The following DNER variants were observed in gnomAD, a reference collection of about 807,000 sequenced individuals.
DNER encodes delta and Notch-like epidermal growth factor-related receptor.
In DNER, 33 loss-of-function variants were observed where a neutral mutation model predicts 78.2. The ratio of observed to expected loss-of-function variants is 0.42; its 90% CI spans 0.32 to 0.56. The LOEUF (loss-of-function observed/expected upper bound fraction) is 0.56. DNER is among the 20% of genes least tolerant of loss of function. The probability of loss-of-function intolerance (pLI) is 0.11; values close to 1 mark genes in which losing one functional copy is unlikely to be tolerated. For synonymous variants in DNER, 417 were observed against 384.8 expected, an observed-to-expected ratio of 1.08 and a Z score of -0.98; for missense variants, 918 against 975.3, an observed-to-expected ratio of 0.94 and a Z score of 0.78.
intron 5 of DNER, among the ~76,000 whole-genome samples, chr2:229,544,587 C>T (rs997196920): frequency 2.0e-5 from 3 of 151,518 alleles, no homozygotes; most frequent in African/African-American, 7.3e-5. Context: ...GGCTGGAGGC[C>T]AATGGCACAA....
chr2:229,593,226 T>C (rs577394436), intron 1 of DNER, among the ~76,000 whole-genome samples: 1 of 152,006 alleles, frequency 6.6e-6, no homozygotes, highest in Non-Finnish European at 1.5e-5. Context: ...AAAGCTCTTT[T>C]TGGTCAGGCC....
intron 1 of DNER, among the ~76,000 whole-genome samples, chr2:229,672,092 A>T (rs1699218219): frequency 6.6e-6 from 1 of 152,206 alleles, no homozygotes; most frequent in Non-Finnish European, 1.5e-5. Context: ...CAAGAGGTTT[A>T]AGACAAGGAC....
intron 6 of DNER, among the ~76,000 whole-genome samples, chr2:229,509,713 G>A (rs1355473428): frequency 6.6e-6 from 1 of 152,176 alleles, no homozygotes; most frequent in Non-Finnish European, 1.5e-5. Flanking sequence ...ACTTAGGAGG[G>A]CTGAAGCAGG....
At chr2:229,448,437 T>TGTG (rs1209880677) in intron 7 of DNER, among the ~76,000 whole-genome samples, 1 of 152,218 alleles carries the variant, frequency 6.6e-6, no homozygotes, top group Non-Finnish European at 1.5e-5. Flanking sequence ...AAACTTGGAT[T>TGTG]GTGGTGATAG....
intron 4 of DNER, among the ~76,000 whole-genome samples, chr2:229,549,090 C>T (rs1264196128): frequency 6.6e-6 from 1 of 152,042 alleles, no homozygotes; most frequent in African/African-American, 2.4e-5. Context: ...TTAAGAAACG[C>T]TGTTACGCAT....
intron 7 of DNER, among the ~76,000 whole-genome samples, chr2:229,466,501 T>C (rs1276814875): frequency 6.6e-6 from 1 of 152,004 alleles, no homozygotes; most frequent in Admixed American, 6.6e-5. Flanking sequence ...GAGTGGTCCC[T>C]CTTCAGACTC....
At chr2:229,651,632 T>A (rs780771599) in intron 1 of DNER, among the ~76,000 whole-genome samples, 5 of 152,180 alleles carry the variant, frequency 3.3e-5, no homozygotes, top group Non-Finnish European at 5.9e-5. Context: ...TTTAGATAAC[T>A]CAGCCTGGAG....
At chr2:229,459,559 C>T (rs951141377) in intron 7 of DNER, among the ~76,000 whole-genome samples, 1 of 152,008 alleles carries the variant, frequency 6.6e-6, no homozygotes, top group South Asian at 2.1e-4. Context: ...TTTTTACAGA[C>T]GAAGGTTCAG....
At position 229,407,293 on chromosome 2, in the gene DNER, G is replaced by T. The variant is rs528523117; in HGVS notation, c.1662C>A (p.Asn554Lys). The part of the protein sequence containing the change: ...KDPCANVSCL[N>K]GATCDSDGLN... ...GGCCGTCGCTGTCACAGGTGGCTCC[G>T]TTCAGACAGCTGACGTTAGCGCAGG... is the stretch of plus-strand genomic sequence containing the variant. The change falls in exon 10 of 13, where the codon AAC (asparagine) becomes AAA (lysine). Residue 554 changes from asparagine to lysine, a missense_variant. Coordinates refer to ENST00000341772, the MANE Select transcript of DNER (RefSeq NM_139072.4). The T allele has an allele frequency of 3.1e-6, 5 of 1,613,830 alleles. No individual in the cohort carries two copies. The South Asian group carries it at 4.4e-5, about 14-fold the overall frequency.
At chr2:229,494,874 TC>T (rs1476653003) in intron 6 of DNER, among the ~76,000 whole-genome samples, 1 of 152,196 alleles carries the variant, frequency 6.6e-6, no homozygotes, top group Non-Finnish European at 1.5e-5. Context: ...ATTTTCTCTG[TC>T]CCCTTTAGTT....
At chr2:229,526,346 T>C (rs1014291604) in intron 5 of DNER, among the ~76,000 whole-genome samples, 1 of 152,218 alleles carries the variant, frequency 6.6e-6, no homozygotes, top group African/African-American at 2.4e-5. Context: ...ATTTTAACTA[T>C]TATGATGCTT....
chr2:229,708,461 T>C (rs968286850), intron 1 of DNER, among the ~76,000 whole-genome samples: 9 of 152,176 alleles, frequency 5.9e-5, no homozygotes, highest in African/African-American at 2.2e-4. Flanking sequence ...GGGGTAAATA[T>C]AAAGAAATTC....
intron 7 of DNER, among the ~76,000 whole-genome samples, chr2:229,448,243 T>C (rs1358641176): frequency 1.3e-5 from 2 of 151,996 alleles, no homozygotes; most frequent in Admixed American, 6.5e-5. Context: ...AAAAGCATTA[T>C]GCTAAGTAAA....
intron 12 of DNER, 145 bp from the exon 13 acceptor site, chr2:229,358,796 C>A: frequency 1.6e-6 from 1 of 643,378 alleles, no homozygotes. Context: ...TTTAGACATC[C>A]TAATATTAAC....
At chr2:229,455,720 G>A (rs572968628) in intron 7 of DNER, among the ~76,000 whole-genome samples, 6 of 152,210 alleles carry the variant, frequency 3.9e-5, no homozygotes, top group African/African-American at 1.2e-4. Context: ...GTACAGGCTC[G>A]AAAGGACAAT....
At chr2:229,563,872 T>G (rs543385317) in intron 4 of DNER, among the ~76,000 whole-genome samples, 317 of 62,088 alleles carry the variant, frequency 5.1e-3, no homozygotes, top group Non-Finnish European at 7.9e-3. Context: ...TCCTCACCCC[T>G]TCACCATCAT....
intron 1 of DNER, among the ~76,000 whole-genome samples, chr2:229,635,441 A>AGAT: frequency 6.6e-6 from 1 of 150,734 alleles, no homozygotes; most frequent in African/African-American, 2.4e-5. Flanking sequence ...AGGGGCCGGC[A>AGAT]CACTGTATGA....
At chr2:229,402,969 G>A (rs776267189) in intron 10 of DNER, among the ~76,000 whole-genome samples, 6 of 152,272 alleles carry the variant, frequency 3.9e-5, no homozygotes, top group South Asian at 2.1e-4. Context: ...TGGAGGAAGC[G>A]TATTTTCAGC....
intron 12 of DNER, 68 bp from the exon 13 acceptor site, chr2:229,358,719 T>C (rs1692146012): frequency 1.5e-6 from 2 of 1,341,590 alleles, no homozygotes; most frequent in Admixed American, 1.9e-5. Flanking sequence ...AAGCAAGTGA[T>C]GAGAATAATT....
Sources: allele counts gnomAD v4.1 joint callset (sites outside exome capture counted in the v4.1 genomes callset), GRCh38; gene constraint gnomAD v4.1.1; transcripts MANE v1.5; gene names NCBI Gene and HGNC (gene_info 2026-07-23, HGNC 2026-07-21).